Variants in SLCO3A1 observed in about 807,000 individuals in gnomAD.
SLCO3A1 encodes PGE1 transporter.
A neutral mutation model predicts 63.1 loss-of-function variants in SLCO3A1; 27 were observed. The observed-to-expected ratio is 0.43, with a 90% CI of 0.32 to 0.59. The LOEUF is 0.59. SLCO3A1 is among the 20% of genes least tolerant of loss of function. The pLI, the probability that SLCO3A1 is intolerant of heterozygous loss-of-function variation, is 0.09. For missense variants in SLCO3A1, 773 were observed against 945.8 expected, an observed-to-expected ratio of 0.82 and a Z score of 2.40; for synonymous variants, 473 against 409.9, an observed-to-expected ratio of 1.15 and a Z score of -1.86.
chr15:91,954,603 T>TG lies in SLCO3A1; in HGVS notation c.646+38149dup. 6.6e-6 allele frequency among the ~76,000 whole-genome samples: 1 copy of TG among 151,672 alleles called. No homozygotes were observed. Among genetic ancestry groups the TG allele is most frequent in the African/African-American group, 2.4e-5 (1 of 41,164 alleles). On this transcript the variant is annotated intron_variant, in intron 2 of 9. Transcript: ENST00000318445. The surrounding 1 kb of genome is among the most constrained non-coding windows in gnomAD (Gnocchi z 4.7). ...AGAAGGAAGAGGAAGTGGAAGTTGG[T>TG]GGGGAAGAGGAAGTGGAAGTTGGCG... is the stretch of plus-strand genomic sequence containing the variant.
At chr15:91,909,911 C>G (rs1161778206) in intron 1 of SLCO3A1, among the ~76,000 whole-genome samples, 7 of 152,220 alleles carry the variant, frequency 4.6e-5, no homozygotes, top group African/African-American at 1.4e-4. Context: ...CCTCTCTCCC[C>G]AGCACTGTGG....
intron 1 of SLCO3A1, among the ~76,000 whole-genome samples, chr15:91,857,463 G>A (rs1896953957): frequency 6.6e-6 from 1 of 152,206 alleles, no homozygotes; most frequent in African/African-American, 2.4e-5. Context: ...AGCATAAGAG[G>A]AGAGGCCTGC....
intron 5 of SLCO3A1, among the ~76,000 whole-genome samples, chr15:92,122,329 G>A (rs958911429): frequency 3.3e-5 from 5 of 152,212 alleles, no homozygotes; most frequent in African/African-American, 4.8e-5. Context: ...CAGATTGTCT[G>A]CTGAGAGGAA....
In SLCO3A1 at chr15:91,942,615, G is replaced by T. The variant is rs532066345; in HGVS notation, c.646+26157G>T. Reference sequence around the variant, plus strand: ...TTTGTTTGTTTCGAGACCGAGTCTTGCTCTGTCGACCAGGCTGGATTGCAG... The same window carrying T: ...TTTGTTTGTTTCGAGACCGAGTCTTTCTCTGTCGACCAGGCTGGATTGCAG... On this transcript the variant is annotated intron_variant, in intron 2 of 9. Transcript: ENST00000318445. This position sits in a 1 kb window ranked among gnomAD's most constrained non-coding sequence, Gnocchi z 4.1. 6.6e-6 allele frequency among the ~76,000 whole-genome samples: 1 copy of T among 152,270 alleles called. No homozygotes were observed. The highest frequency in any genetic ancestry group is 2.1e-4 in the South Asian group (1 of 4,828).
intron 2 of SLCO3A1, among the ~76,000 whole-genome samples, chr15:92,076,659 T>C (rs559615797): frequency 1.3e-5 from 2 of 152,246 alleles, no homozygotes; most frequent in East Asian, 3.9e-4. Flanking sequence ...TTGGACACTG[T>C]ACACCAGCAC....
At chr15:91,973,135 C>G (rs560320072) in intron 2 of SLCO3A1, among the ~76,000 whole-genome samples, 1 of 152,130 alleles carries the variant, frequency 6.6e-6, no homozygotes, top group Non-Finnish European at 1.5e-5. Flanking sequence ...AAAAGGGCAA[C>G]GGGCAGTGCC....
intron 3 of SLCO3A1, among the ~76,000 whole-genome samples, chr15:92,099,781 G>A (rs949857341): frequency 2.6e-5 from 4 of 152,252 alleles, no homozygotes; most frequent in African/African-American, 9.6e-5. Context: ...ATCTTGTAAG[G>A]CCAGGCATAG....
At chr15:92,052,119 C>G (rs958872029) in intron 2 of SLCO3A1, among the ~76,000 whole-genome samples, 3 of 152,144 alleles carry the variant, frequency 2.0e-5, no homozygotes, top group African/African-American at 7.2e-5. Flanking sequence ...CCCAACCCCT[C>G]CTTGCCCCAA....
intron 2 of SLCO3A1, among the ~76,000 whole-genome samples, chr15:92,035,623 G>A (rs1418975401): frequency 1.3e-5 from 2 of 151,650 alleles, no homozygotes; most frequent in African/African-American, 4.8e-5. Flanking sequence ...GGAGGACAAA[G>A]CTCACATAAT....
At chr15:92,079,459 G>A (rs892209400) in intron 2 of SLCO3A1, among the ~76,000 whole-genome samples, 2 of 152,212 alleles carry the variant, frequency 1.3e-5, no homozygotes, top group South Asian at 2.1e-4. Context: ...GCCAGCAGAC[G>A]GCCAGCTTCT....
intron 4 of SLCO3A1, among the ~76,000 whole-genome samples, chr15:92,119,675 AG>A: frequency 6.6e-6 from 1 of 152,240 alleles, no homozygotes; most frequent in Non-Finnish European, 1.5e-5. Context: ...AGGAGGGGCT[AG>A]GGGGTGTGAT....
chr15:91,880,705 T>G (rs1897559594), intron 1 of SLCO3A1, among the ~76,000 whole-genome samples: 2 of 152,200 alleles, frequency 1.3e-5, no homozygotes, highest in Non-Finnish European at 2.9e-5. Flanking sequence ...TCATTTCTTT[T>G]TATTGCAGAG....
chr15:92,027,432 C>T (rs1165564190), intron 2 of SLCO3A1, among the ~76,000 whole-genome samples: 1 of 152,222 alleles, frequency 6.6e-6, no homozygotes, highest in South Asian at 2.1e-4. Context: ...TCGTTTTTTT[C>T]GATATTGTGG....
At chr15:91,940,090 C>G (rs1597140030) in intron 2 of SLCO3A1, among the ~76,000 whole-genome samples, 1 of 152,074 alleles carries the variant, frequency 6.6e-6, no homozygotes, top group Non-Finnish European at 1.5e-5. Context: ...CTTTCATTTC[C>G]TTCTCTCCTT....
At chr15:92,072,357 C>T (rs79392796) in intron 2 of SLCO3A1, among the ~76,000 whole-genome samples, 14 of 152,072 alleles carry the variant, frequency 9.2e-5, no homozygotes, top group African/African-American at 3.4e-4. Context: ...TTATAACCAA[C>T]TGAACTCAGC....
chr15:92,102,756 C>T (rs1229007597), intron 3 of SLCO3A1, among the ~76,000 whole-genome samples: 1 of 152,114 alleles, frequency 6.6e-6, no homozygotes, highest in African/African-American at 2.4e-5. Context: ...GCCTTAGGCT[C>T]ATGGCACAAA....
At position 92,142,192 on chromosome 15, in the gene SLCO3A1, T is replaced by C. The variant is rs570799467; in HGVS notation, c.1513-4792T>C. On this transcript the variant is annotated intron_variant, in intron 7 of 9. Transcript: ENST00000318445. ...TTTTCATTGGTCTTGTGCCGGTCTC[T>C]GGCTTTTCTTCTTCTGTCATTAACC... 2.0e-5 allele frequency among the ~76,000 whole-genome samples: 3 copies of C among 152,390 alleles called. No individual in the cohort carries two copies. The South Asian group carries it at 6.2e-4, about 32-fold the overall frequency.
chr15:91,886,440 C>T lies in SLCO3A1; in HGVS notation c.181-29553C>T, dbSNP rs10152168. ...TGGCTCCTGTTTGTGTCCACATCAG[C>T]GTGAGTTGTGTGAAGTCCTCAGCAG... On this transcript the variant is annotated intron_variant, in intron 1 of 9. Coordinates refer to ENST00000318445, the MANE Select transcript of SLCO3A1 (RefSeq NM_013272.4). The surrounding 1 kb of genome is among the most constrained non-coding windows in gnomAD (Gnocchi z 4.9). Among the ~76,000 whole-genome samples, 58,825 of 151,936 alleles carry T rather than the reference C, an allele frequency of 0.39. 12,614 individuals carry two copies. The highest frequency in any genetic ancestry group is 0.79 in the East Asian group (4,049 of 5,132).
chr15:92,007,182 C>T (rs2046322507), intron 2 of SLCO3A1, among the ~76,000 whole-genome samples: 1 of 152,180 alleles, frequency 6.6e-6, no homozygotes, highest in South Asian at 2.1e-4. Flanking sequence ...AGGTCAGTTT[C>T]ATGGTAGGTG....
Sources: gnomAD v4.1 joint callset for allele counts (sites outside exome capture counted in the v4.1 genomes callset) on GRCh38, gnomAD v4.1.1 for gene constraint, Gnocchi (gnomAD v3.1) non-coding constraint, MANE v1.5 for transcripts, NCBI Gene and HGNC (gene_info 2026-07-23, HGNC 2026-07-21) for gene names.